Variants in GNL3L observed in about 807,000 individuals in gnomAD.
The protein encoded by GNL3L is guanine nucleotide-binding protein-like 3-like protein.
A neutral mutation model predicts 42.9 loss-of-function variants in GNL3L; 4 were observed. The observed-to-expected ratio is 0.09, with a 90% CI of 0.05 to 0.21. The LOEUF is 0.21. Ranked by LOEUF, GNL3L falls within the 10% of genes least tolerant of loss-of-function variation. The pLI, the probability that GNL3L is intolerant of heterozygous loss-of-function variation, is 1.00. For missense variants in GNL3L, 412 were observed against 481.7 expected, an observed-to-expected ratio of 0.86 and a Z score of 1.36; for synonymous variants, 159 against 176.3, an observed-to-expected ratio of 0.90 and a Z score of 0.78.
intron 16 of GNL3L, among the ~76,000 whole-genome samples, chrX:54,607,072 CTCT>C (rs1444903938): frequency 0.015 from 334 of 22,463 alleles, 23 homozygotes; most frequent in African/African-American, 0.03. Flanking sequence ...TTCTTTCTTT[CTCT>C]TTCTTTCTTC....
intron 14 of GNL3L, among the ~76,000 whole-genome samples, chrX:54,557,421 C>T (rs1172217231): frequency 9.2e-6 from 1 of 108,188 alleles, no homozygotes; most frequent in African/African-American, 3.4e-5. Context: ...AGCCACCATG[C>T]GCAGCTAATT....
chrX:54,587,897 T>G (rs1040278058), intron 16 of GNL3L, among the ~76,000 whole-genome samples: 2 of 111,333 alleles, frequency 1.8e-5, no homozygotes, highest in African/African-American at 6.5e-5. Flanking sequence ...GCCAGGCTGG[T>G]CTCGAACTCC....
At chrX:54,588,835 C>T (rs1925827367) in intron 16 of GNL3L, among the ~76,000 whole-genome samples, 1 of 111,819 alleles carries the variant, frequency 8.9e-6, no homozygotes, top group African/African-American at 3.2e-5. Context: ...GCCATATCGG[C>T]AATGCTTTAA....
At chrX:54,567,293 A>C (rs762108260), downstream of GNL3L, among the ~76,000 whole-genome samples, 1 of 110,466 alleles carries the variant, frequency 9.1e-6, no homozygotes, top group South Asian at 3.9e-4. Flanking sequence ...TGTCTAATAT[A>C]TATGTCTGCA....
rs377252888 is a variant in GNL3L, at chrX:54,551,747, G to A, written c.1038+5G>A. 63 of 1,208,648 alleles carry A rather than the reference G, an allele frequency of 5.2e-5. No homozygotes were observed. The highest frequency in any genetic ancestry group is 4.4e-5 in the Admixed American group (2 of 45,742). On this transcript the variant is annotated splice_donor_5th_base_variant and intron_variant, in intron 11 of 15. Coordinates refer to ENST00000360845, the MANE Select transcript of GNL3L (RefSeq NM_001184819.2). ...CAGCGCTGCAACCTGGAGGAGGTCC[G>A]CAGCAGAGCCCTGGCTGATGCCCTG...
chrX:54,572,691 C>T (rs1458284150), intron 16 of GNL3L, among the ~76,000 whole-genome samples: 1 of 110,097 alleles, frequency 9.1e-6, no homozygotes, highest in Non-Finnish European at 1.9e-5. Flanking sequence ...GGCTGACCCC[C>T]CCCACCTCCC....
At chrX:54,627,781 A>G in the GNL3L span, among the ~76,000 whole-genome samples, 1 of 111,626 alleles carries the variant, frequency 9.0e-6, no homozygotes, top group East Asian at 2.8e-4. Context: ...GTTTATTAGC[A>G]TGTTGTTTGT....
intron 12 of GNL3L, 73 bp downstream of exon 12, chrX:54,552,047 AT>A (rs1363828038): frequency 6.3e-6 from 7 of 1,109,766 alleles, no homozygotes; most frequent in Admixed American, 2.6e-5. Flanking sequence ...ATCTGTGCTC[AT>A]TGCCGCTGGG....
chrX:54,549,010 C>A (rs1201263156), intron 9 of GNL3L, among the ~76,000 whole-genome samples: 1 of 110,864 alleles, frequency 9.0e-6, no homozygotes, highest in South Asian at 3.8e-4. Context: ...GAGGGAGATA[C>A]AATCAGAAAC....
intron 16 of GNL3L, among the ~76,000 whole-genome samples, chrX:54,587,135 G>A (rs141279420): frequency 0.026 from 2,918 of 112,061 alleles, 97 homozygotes; most frequent in African/African-American, 0.09. Flanking sequence ...CAAGCCATCT[G>A]GAGGTCAAGA....
intron 16 of GNL3L, among the ~76,000 whole-genome samples, chrX:54,605,754 G>A (rs1425753912): frequency 2.7e-5 from 3 of 110,595 alleles, no homozygotes; most frequent in East Asian, 5.6e-4. Flanking sequence ...GTCTTTGCTC[G>A]CGTTCTTCTC....
intron 16 of GNL3L, among the ~76,000 whole-genome samples, chrX:54,581,460 C>A (rs994856508): frequency 4.5e-5 from 5 of 111,671 alleles, no homozygotes; most frequent in Admixed American, 9.5e-5. Context: ...GTCTCAAACT[C>A]CTGGCCTCAA....
At chrX:54,531,948 T>C (rs1187456269) in intron 1 of GNL3L, among the ~76,000 whole-genome samples, 1 of 109,901 alleles carries the variant, frequency 9.1e-6, no homozygotes, top group African/African-American at 3.3e-5. Context: ...CTCCAAGATT[T>C]TGTACTTATC....
chrX:54,637,947 G>A, the GNL3L span, among the ~76,000 whole-genome samples: 1 of 110,773 alleles, frequency 9.0e-6, no homozygotes, highest in African/African-American at 3.3e-5. Context: ...CTGGGTGAGA[G>A]GTACTTGGGG....
downstream of GNL3L, among the ~76,000 whole-genome samples, chrX:54,569,971 C>G (rs751822795): frequency 9.0e-6 from 1 of 111,334 alleles, no homozygotes; most frequent in Non-Finnish European, 1.9e-5. Context: ...TTTCATGGCC[C>G]AGAATATGGT....
intron 2 of GNL3L, among the ~76,000 whole-genome samples, chrX:54,537,256 T>C (rs1343309406): frequency 9.1e-6 from 1 of 110,012 alleles, no homozygotes; most frequent in Non-Finnish European, 1.9e-5. Flanking sequence ...ACTCCTAGTG[T>C]CAAGCGATCC....
intron 16 of GNL3L, among the ~76,000 whole-genome samples, chrX:54,579,902 T>G (rs1925684370): frequency 9.2e-6 from 1 of 108,152 alleles, no homozygotes. Flanking sequence ...CGTCTTGAAC[T>G]CCTGACCTCA....
intron 12 of GNL3L, 97 bp downstream of exon 12, chrX:54,552,071 C>A: frequency 9.7e-7 from 1 of 1,032,236 alleles, no homozygotes; most frequent in Non-Finnish European, 1.3e-6. Flanking sequence ...AGCTTGACTT[C>A]CTGGGTCTTG....
At chrX:54,592,825 A>C (rs779489201) in intron 16 of GNL3L, among the ~76,000 whole-genome samples, 6 of 110,656 alleles carry the variant, frequency 5.4e-5, no homozygotes, top group Non-Finnish European at 9.5e-5. Flanking sequence ...AAAAAAAAAA[A>C]AACAAAAAGA....
Sources: allele counts gnomAD v4.1 joint callset (sites outside exome capture counted in the v4.1 genomes callset), GRCh38; gene constraint gnomAD v4.1.1; transcripts MANE v1.5; gene names NCBI Gene and HGNC (gene_info 2026-07-23, HGNC 2026-07-21).